Variants in CCDC171 observed in about 807,000 individuals in gnomAD.
CCDC171 encodes the protein coiled-coil domain containing 171.
CCDC171 carries 177 observed loss-of-function variants against 168.2 expected under a neutral mutation model. That is an observed-to-expected ratio of 1.05 (90% CI 0.93 to 1.19). The LOEUF is 1.19. CCDC171 is among the 50% of genes most tolerant of loss of function. CCDC171 has a pLI of 0.00. For missense variants in CCDC171, 1,991 were observed against 1,539.0 expected (o/e 1.29, Z -4.91); for synonymous variants, 687 against 540.8 (o/e 1.27, Z -3.75).
At chr9:15,753,078 A>G (rs959622271) in intron 18 of CCDC171, among the ~76,000 whole-genome samples, 2 of 152,148 alleles carry the variant, frequency 1.3e-5, no homozygotes, top group East Asian at 1.9e-4. Flanking sequence ...TCTGACGCTA[A>G]TACGCACAGT....
At chr9:16,062,610 T>A (rs964505094), downstream of CCDC171, among the ~76,000 whole-genome samples, 2 of 152,220 alleles carry the variant, frequency 1.3e-5, no homozygotes, top group Admixed American at 6.5e-5. Context: ...ATTCATCCAT[T>A]CATTCATTCC....
intron 24 of CCDC171, among the ~76,000 whole-genome samples, chr9:15,885,125 A>G (rs1819214157): frequency 6.6e-6 from 1 of 152,158 alleles, no homozygotes; most frequent in Non-Finnish European, 1.5e-5. Flanking sequence ...CCTTTTCATC[A>G]TTTAATTTTG....
chr9:15,925,659 G>T (rs1348407860), intron 25 of CCDC171, among the ~76,000 whole-genome samples: 1 of 151,610 alleles, frequency 6.6e-6, no homozygotes, highest in Non-Finnish European at 1.5e-5. Context: ...TTTGGAAATG[G>T]ATCAATGGTC....
rs1187708110 is a variant in CCDC171 at position 15,948,544 on chromosome 9, T to C, written c.3754-23065T>C. ...TAACTGGTGTGAGATGATATCTCAT[T>C]GTGGTTTTGATTTGCATTGCTCTGA... On this transcript the variant is annotated intron_variant, in intron 25 of 25. Coordinates refer to ENST00000380701, the MANE Select transcript of CCDC171 (RefSeq NM_173550.4). 3.3e-5 allele frequency among the ~76,000 whole-genome samples: 5 copies of C among 151,980 alleles called. No individual in the cohort carries two copies. The East Asian group carries it at 7.7e-4, about 24-fold the overall frequency.
chr9:15,574,163 C>G, intron 3 of CCDC171, among the ~76,000 whole-genome samples: 1 of 149,684 alleles, frequency 6.7e-6, no homozygotes. Flanking sequence ...TTTTTTGAGA[C>G]AGAGTCTCAC....
intron 6 of CCDC171, among the ~76,000 whole-genome samples, chr9:15,596,560 G>C (rs2042378344): frequency 6.6e-6 from 1 of 152,090 alleles, no homozygotes; most frequent in Admixed American, 6.6e-5. Flanking sequence ...TTGTAGTATA[G>C]TTTGAAGTCA....
downstream of CCDC171, among the ~76,000 whole-genome samples, chr9:15,978,498 C>T (rs900373063): frequency 6.6e-6 from 1 of 152,136 alleles, no homozygotes; most frequent in Non-Finnish European, 1.5e-5. Flanking sequence ...TCTCTTTAAT[C>T]TGTGGGGAGG....
At chr9:15,607,620 C>T (rs908194371) in intron 6 of CCDC171, among the ~76,000 whole-genome samples, 1 of 152,096 alleles carries the variant, frequency 6.6e-6, no homozygotes, top group Admixed American at 6.6e-5. Flanking sequence ...TGTCACCACA[C>T]CTGGCTAATT....
chr9:15,691,819 A>G (rs1239715681), intron 10 of CCDC171, among the ~76,000 whole-genome samples: 3 of 151,948 alleles, frequency 2.0e-5, no homozygotes, highest in Non-Finnish European at 2.9e-5. Context: ...TGGGACCTAC[A>G]GGCATGTGCC....
chr9:15,933,190 G>A (rs906317264), intron 25 of CCDC171, among the ~76,000 whole-genome samples: 1 of 152,002 alleles, frequency 6.6e-6, no homozygotes, highest in Admixed American at 6.6e-5. Context: ...TTGAATGTTA[G>A]ATAGATTTCA....
At chr9:15,774,279 T>G (rs1284973470) in intron 18 of CCDC171, among the ~76,000 whole-genome samples, 1 of 96,076 alleles carries the variant, frequency 1.0e-5, no homozygotes, top group Non-Finnish European at 2.1e-5. Flanking sequence ...AAAAAAAAAG[T>G]CATCAGAAAG....
chr9:15,700,229 C>T lies in CCDC171; in HGVS notation c.1318+4892C>T, dbSNP rs1017197462. Reference sequence around the variant, plus strand: ...CCCGGTGAGAAATCGAGCACAGCGCCGGTGGGCTGGCACTGCTGGGGGACC... The same window carrying T: ...CCCGGTGAGAAATCGAGCACAGCGCTGGTGGGCTGGCACTGCTGGGGGACC... On this transcript the variant is annotated intron_variant, in intron 11 of 25. Coordinates refer to ENST00000380701, the MANE Select transcript of CCDC171 (RefSeq NM_173550.4). 3.2e-4 allele frequency among the ~76,000 whole-genome samples: 48 copies of T among 152,190 alleles called. 1 individual carries two copies. The highest frequency in any genetic ancestry group is 2.3e-3 in the Admixed American group (35 of 15,286).
intron 24 of CCDC171, among the ~76,000 whole-genome samples, chr9:15,880,273 A>T (rs976914714): frequency 4.6e-5 from 7 of 152,214 alleles, no homozygotes; most frequent in Non-Finnish European, 8.8e-5. Context: ...ATTTTGGATT[A>T]TCCAAAGTTG....
At chr9:15,584,071 C>T (rs199568682) in intron 4 of CCDC171, among the ~76,000 whole-genome samples, 3 of 152,100 alleles carry the variant, frequency 2.0e-5, no homozygotes, top group Non-Finnish European at 4.4e-5. Context: ...GTTTCACCAT[C>T]TTGGCCAGGC....
chr9:15,644,383 C>G (rs1316440154), intron 7 of CCDC171, among the ~76,000 whole-genome samples: 1 of 152,078 alleles, frequency 6.6e-6, no homozygotes, highest in Non-Finnish European at 1.5e-5. Context: ...TGGGGCTTGT[C>G]AGATGGTGGG....
rs934400405 is a variant in CCDC171 at position 15,745,573 on chromosome 9, C to T, written c.2613C>T (p.Asp871=). ...LQALSWLTSS[D]LLAAIISSMA... ...CGCTCAGTTGGCTCACCAGTTCTGA[C>T]CTTCTTGCTGCAATAATCAGTTCTA... The change falls in exon 18 of 26, where the codon GAC becomes GAT. Residue 871 remains aspartate (D), a synonymous_variant. Coordinates refer to ENST00000380701, the MANE Select transcript of CCDC171 (RefSeq NM_173550.4). The T allele has an allele frequency of 1.9e-6, 3 of 1,590,430 alleles. No individual in the cohort carries two copies. In the African/African-American group the frequency reaches 4.1e-5, roughly 22 times the overall value.
chr9:15,909,551 G>C lies in CCDC171; in HGVS notation c.3601-10719G>C, dbSNP rs768658584. On this transcript the variant is annotated intron_variant, in intron 24 of 25. Coordinates refer to ENST00000380701, the MANE Select transcript of CCDC171 (RefSeq NM_173550.4). Reference sequence around the variant, plus strand: ...AAACAAGTATTTGTGGGCAGGACCAGAAACCAAACATCAAACTAGAGTACA... The same window carrying C: ...AAACAAGTATTTGTGGGCAGGACCACAAACCAAACATCAAACTAGAGTACA... Among the ~76,000 whole-genome samples the C allele has an allele frequency of 7.3e-4, 111 of 152,194 alleles. 1 individual carries two copies. Among genetic ancestry groups the C allele is most frequent in the Admixed American group, 2.0e-4 (3 of 15,278 alleles).
chr9:15,894,019 A>G (rs1820556871), intron 24 of CCDC171, among the ~76,000 whole-genome samples: 1 of 152,220 alleles, frequency 6.6e-6, no homozygotes, highest in Non-Finnish European at 1.5e-5. Context: ...AAGACATGAA[A>G]TCAACCCAAA....
chr9:15,618,826 G>C (rs2044290809), intron 6 of CCDC171, among the ~76,000 whole-genome samples: 1 of 151,784 alleles, frequency 6.6e-6, no homozygotes, highest in African/African-American at 2.4e-5. Flanking sequence ...CTTGCTCTCC[G>C]TGGGTTGCAC....
Sources: allele counts gnomAD v4.1 joint callset (sites outside exome capture counted in the v4.1 genomes callset), GRCh38; gene constraint gnomAD v4.1.1; transcripts MANE v1.5; gene names NCBI Gene and HGNC (gene_info 2026-07-23, HGNC 2026-07-21).